Variants in FAM193A observed in about 807,000 individuals in gnomAD.
FAM193A encodes protein FAM193A.
Under a neutral mutation model 126.5 loss-of-function variants are expected in FAM193A, and 22 were observed. The observed-to-expected ratio is 0.17, with a 90% CI of 0.12 to 0.25. The LOEUF is 0.25. Among genes scored for constraint, FAM193A ranks in the 10% least tolerant of loss-of-function variants. The pLI is 1.00. For missense variants in FAM193A, 1,675 were observed against 1,672.8 expected, an observed-to-expected ratio of 1.00 and a Z score of -0.02; for synonymous variants, 761 against 646.8, an observed-to-expected ratio of 1.18 and a Z score of -2.68.
At chr4:2,639,630 C>T (rs1744408039) in intron 5 of FAM193A, 105 bp from the exon 6 acceptor site, 14 of 698,934 alleles carry the variant, frequency 2.0e-5, no homozygotes, top group South Asian at 1.6e-4. Flanking sequence ...GGGATGTGTG[C>T]GTGGTGGGGG....
intron 12 of FAM193A, among the ~76,000 whole-genome samples, chr4:2,668,144 A>AT (rs1713343588): frequency 1.3e-5 from 2 of 151,120 alleles, no homozygotes; most frequent in African/African-American, 4.9e-5. Context: ...GCCTTCAGTG[A>AT]TTCTCCCGCC....
chr4:2,540,128 A>T (rs902019502), intron 1 of FAM193A, among the ~76,000 whole-genome samples: 22 of 151,616 alleles, frequency 1.5e-4, no homozygotes, highest in Non-Finnish European at 2.8e-4. Context: ...CAAAAAAAAA[A>T]AAAAAATCCC....
In FAM193A at chr4:2,549,096, G is replaced by A. The variant is rs554801268; in HGVS notation, c.255+11926G>A. 4.6e-5 allele frequency among the ~76,000 whole-genome samples: 7 copies of A among 150,928 alleles called. No individual in the cohort carries two copies. In the South Asian group the frequency reaches 1.0e-3, roughly 23 times the overall value. On this transcript the variant is annotated intron_variant, in intron 1 of 20. Transcript: ENST00000637812. ...GGAATTAACAGGCGTGTGCCATCAT[G>A]CCTGGCTAATTTTTGTATATTTAGT...
intron 13 of FAM193A, among the ~76,000 whole-genome samples, chr4:2,685,286 T>G (rs1405447495): frequency 6.6e-6 from 1 of 152,178 alleles, no homozygotes; most frequent in Non-Finnish European, 1.5e-5. Context: ...GGTGTATCTT[T>G]ACACTCCCTC....
chr4:2,542,863 T>C (rs897477953), intron 1 of FAM193A, among the ~76,000 whole-genome samples: 2 of 152,182 alleles, frequency 1.3e-5, no homozygotes, highest in African/African-American at 2.4e-5. Flanking sequence ...CTATGTGTTA[T>C]ACCCAGGACC....
At chr4:2,640,839 C>A (rs2109029299) in intron 6 of FAM193A, among the ~76,000 whole-genome samples, 1 of 151,924 alleles carries the variant, frequency 6.6e-6, no homozygotes, top group East Asian at 2.0e-4. Flanking sequence ...GTGGCACATA[C>A]CTGTGATCCT....
chr4:2,584,905 C>T (rs1270483560), intron 1 of FAM193A, among the ~76,000 whole-genome samples: 1 of 151,484 alleles, frequency 6.6e-6, no homozygotes, highest in Non-Finnish European at 1.5e-5. Flanking sequence ...AGCCTGGCGA[C>T]AGAGCAAGAC....
intron 20 of FAM193A, among the ~76,000 whole-genome samples, chr4:2,725,432 A>ATGT: frequency 7.1e-6 from 1 of 141,622 alleles, no homozygotes; most frequent in African/African-American, 2.7e-5. Context: ...CCTGGGCAAC[A>ATGT]GAGTAAGACC....
chr4:2,639,672 G>A, intron 5 of FAM193A, 63 bp from the exon 6 acceptor site: 4 of 1,442,232 alleles, frequency 2.8e-6, no homozygotes, highest in Non-Finnish European at 2.9e-6. Flanking sequence ...ATCCCTCTGG[G>A]AATTTTCTAG....
chr4:2,578,651 A>G (rs1434938313), intron 1 of FAM193A, among the ~76,000 whole-genome samples: 3 of 152,178 alleles, frequency 2.0e-5, no homozygotes, highest in Non-Finnish European at 4.4e-5. Flanking sequence ...TCAACTCTCC[A>G]AAACCTTAAC....
At position 2,684,979 on chromosome 4, in the gene FAM193A, A is replaced by T. The variant is rs564763474; in HGVS notation, c.2332-4527A>T. Among the ~76,000 whole-genome samples, 6 of 152,302 alleles carry T rather than the reference A, an allele frequency of 3.9e-5. No homozygotes were observed. The East Asian group carries it at 1.2e-3, about 29-fold the overall frequency. On this transcript the variant is annotated intron_variant, in intron 13 of 20. Transcript: ENST00000637812. Reference sequence around the variant, plus strand: ...CACGTGGCCTAGGAGTAGGAAGTTAACGACTACAGGGCCTGAATCTATACC... The same window carrying T: ...CACGTGGCCTAGGAGTAGGAAGTTATCGACTACAGGGCCTGAATCTATACC...
At chr4:2,583,817 A>G (rs1740083585) in intron 1 of FAM193A, among the ~76,000 whole-genome samples, 1 of 152,200 alleles carries the variant, frequency 6.6e-6, no homozygotes, top group Non-Finnish European at 1.5e-5. Flanking sequence ...TTCTGTAACC[A>G]CAGCTCTCCA....
In FAM193A at chr4:2,605,970, C is replaced by CAAAAAA. The variant is rs1160026686; in HGVS notation, c.501+9664_501+9669dup. Among the ~76,000 whole-genome samples the CAAAAAA allele has an allele frequency of 4.1e-4, 13 of 31,896 alleles. 1 individual carries two copies. The highest frequency in any genetic ancestry group is 1.6e-3 in the East Asian group (1 of 608). The allele number at this position is 31,896 out of a possible 152,430, so 20.9% of individuals were successfully genotyped here. A position where few individuals can be genotyped will look rare whatever the true frequency, so the allele number is the denominator to read the frequency against. On this transcript the variant is annotated intron_variant, in intron 2 of 20. Transcript: ENST00000637812. ...TAGGCGACAGAGTGAGACTCTGTCT[C>CAAAAAA]AAAAAAAAAAAAAAAAAAAAAAAAA...
intron 3 of FAM193A, chr4:2,625,629 C>CT (rs1560492339): frequency 1.2e-5 from 4 of 346,884 alleles, no homozygotes; most frequent in Non-Finnish European, 2.1e-5. Context: ...TAATCAGAAT[C>CT]TAAGAGCAGC....
chr4:2,640,964 C>T (rs939605023), intron 6 of FAM193A, among the ~76,000 whole-genome samples: 6 of 151,154 alleles, frequency 4.0e-5, no homozygotes, highest in South Asian at 2.1e-4. Context: ...GATGCTGTCT[C>T]GGGGGAAAAA....
At chr4:2,647,064 C>T (rs1745219998) in intron 7 of FAM193A, among the ~76,000 whole-genome samples, 1 of 152,206 alleles carries the variant, frequency 6.6e-6, no homozygotes, top group African/African-American at 2.4e-5. Flanking sequence ...GTGGTGGCAG[C>T]AGTTGGTCAA....
rs1742976184 is a variant in FAM193A at position 2,626,477 on chromosome 4, A to G, written c.703A>G (p.Thr235Ala). The G allele has an allele frequency of 2.8e-6, 2 of 702,558 alleles. No homozygotes were observed. The highest frequency in any genetic ancestry group is 5.2e-6 in the Non-Finnish European group (2 of 384,914). 43.5% of individuals were successfully genotyped at this position (702,558 alleles called of 1,614,324 possible). ...GAACTACTGGTCAGAAGTGCGCTAC[A>G]CGGTGCGCTGCATCTACCGCCAGGC... ...LQNYWSEVRY[T>A]VRCIYRQAGT... Residue 235 changes from threonine to alanine, a missense_variant, in exon 4 of 21, where the codon ACG (threonine) becomes GCG (alanine). By Grantham distance (58) the Thr-to-Ala change is moderately conservative. Coordinates refer to ENST00000637812, the MANE Select transcript of FAM193A (RefSeq NM_001366318.2).
chr4:2,636,000 A>ATT (rs796940676), intron 5 of FAM193A, among the ~76,000 whole-genome samples: 3 of 144,984 alleles, frequency 2.1e-5, no homozygotes, highest in South Asian at 4.3e-4. Context: ...AAAAGGACGA[A>ATT]TTTTTTTTTT....
intron 2 of FAM193A, among the ~76,000 whole-genome samples, chr4:2,619,622 G>A (rs1315327224): frequency 6.6e-6 from 1 of 152,042 alleles, no homozygotes; most frequent in Non-Finnish European, 1.5e-5. Context: ...GCCCGCCTCT[G>A]CCTCCCAAAG....
Sources: gnomAD v4.1 joint callset for allele counts (sites outside exome capture counted in the v4.1 genomes callset) on GRCh38, gnomAD v4.1.1 for gene constraint, MANE v1.5 for transcripts, NCBI Gene and HGNC (gene_info 2026-07-23, HGNC 2026-07-21) for gene names.